Variants in PARD6A observed in about 807,000 individuals in gnomAD.
PARD6A encodes par-6 family cell polarity regulator alpha.
PARD6A carries 20 observed loss-of-function variants against 21.3 expected under a neutral mutation model. That is an observed-to-expected ratio of 0.94 (90% CI 0.66 to 1.36). The LOEUF (loss-of-function observed/expected upper bound fraction) is 1.36, where lower values mean the gene tolerates loss of function less well. PARD6A is among the 40% of genes most tolerant of loss of function. The pLI is 0.00. For synonymous variants in PARD6A, 214 were observed against 204.8 expected, an observed-to-expected ratio of 1.04 and a Z score of -0.38; for missense variants, 411 against 482.0, an observed-to-expected ratio of 0.85 and a Z score of 1.38.
chr16:67,661,833 C>G lies in PARD6A; in HGVS notation c.287-63C>G. On this transcript the variant is annotated intron_variant, in intron 2 of 2. Coordinates refer to ENST00000458121, the MANE Select transcript of PARD6A (RefSeq NM_001037281.2). The surrounding 1 kb of genome is among the most constrained non-coding windows in gnomAD (Gnocchi z 7.0). ...TGGTAGGAAATAGCTACAGTGCCCC[C>G]TGTAAACAGCCCAAGTCGGGGAGCA... 3.2e-6 allele frequency: 5 copies of G among 1,539,448 alleles called. No homozygotes were observed. The highest frequency in any genetic ancestry group is 3.5e-6 in the Non-Finnish European group (4 of 1,150,536).
chr16:67,661,370 G>A lies in PARD6A; in HGVS notation c.64-85G>A. 1 of 1,519,364 alleles carries A rather than the reference G, an allele frequency of 6.6e-7. No homozygotes were observed. Among genetic ancestry groups the A allele is most frequent in the Non-Finnish European group, 8.8e-7 (1 of 1,142,560 alleles). The allele number at this position is 1,519,364 out of a possible 1,614,324, so 94.1% of individuals were successfully genotyped here. On this transcript the variant is annotated intron_variant, in intron 1 of 2. Transcript: ENST00000458121. The surrounding 1 kb of genome is among the most constrained non-coding windows in gnomAD (Gnocchi z 7.0). ...TAAGGCTGCCGCAAAAGCGGCAGCC[G>A]CATCTTTCCCATTCCTGCCAGCCTG...
chr16:67,661,959 T>C lies in PARD6A; in HGVS notation c.350T>C (p.Leu117Ser). The stretch of plus-strand genomic sequence containing the variant: ...CTGCAGCGGCGCAAGAAAGGGCTCT[T>C]GCTGCGGCCAGTGGCACCCCTGCGC... ...NSLQRRKKGL[L>S]LRPVAPLRTR... Residue 117 changes from leucine to serine, a missense_variant, in exon 3 of 3, where the codon TTG (leucine) becomes TCG (serine). By Grantham distance (145) the Leu-to-Ser change is moderately radical. Transcript: ENST00000458121. The surrounding 1 kb of genome is among the most constrained non-coding windows in gnomAD (Gnocchi z 7.0). The C allele has an allele frequency of 6.2e-7, 1 of 1,611,990 alleles. No homozygotes were observed. The highest frequency in any genetic ancestry group is 8.5e-7 in the Non-Finnish European group (1 of 1,179,960).
At position 67,661,302 on chromosome 16, in the gene PARD6A, G is replaced by T; in HGVS notation, c.64-153G>T. The T allele has an allele frequency of 1.8e-6, 2 of 1,139,688 alleles. No homozygotes were observed. The highest frequency in any genetic ancestry group is 5.0e-5 in the East Asian group (2 of 39,682). 70.6% of individuals were successfully genotyped at this position (1,139,688 alleles called of 1,614,324 possible). ...CTGAGTACCTGGAGGGCGGTAAGAA[G>T]ACCTTGGACAGCGTCCCTGGTACTG... On this transcript the variant is annotated intron_variant, in intron 1 of 2. Transcript: ENST00000458121. This position sits in a 1 kb window ranked among gnomAD's most constrained non-coding sequence, Gnocchi z 7.0.
rs958951117 is a variant in PARD6A, at chr16:67,660,997, C to G, written c.-42C>G. 1.8e-6 allele frequency: 2 copies of G among 1,093,634 alleles called. No individual in the cohort carries two copies. The highest frequency in any genetic ancestry group is 3.4e-5 in the African/African-American group (2 of 59,506). 67.7% of individuals were successfully genotyped at this position (1,093,634 alleles called of 1,614,324 possible). A position where few individuals can be genotyped will look rare whatever the true frequency, so the allele number is the denominator to read the frequency against. On this transcript the variant is annotated 5_prime_UTR_variant, in exon 1 of 3. Coordinates refer to ENST00000458121, the MANE Select transcript of PARD6A (RefSeq NM_001037281.2). ...GCCGGGCTGTGCACCTGCGCCTCGG[C>G]GGGCCGCCTGGGGCACCGTCCCCGG...
In PARD6A at chr16:67,662,564, C is replaced by G. The variant is rs1459611285; in HGVS notation, c.955C>G (p.Leu319Val). 3.1e-6 allele frequency: 5 copies of G among 1,612,766 alleles called. No individual in the cohort carries two copies. Among genetic ancestry groups the G allele is most frequent in the Non-Finnish European group, 4.2e-6 (5 of 1,179,938 alleles). Residue 319 changes from leucine (L) to valine (V), a missense_variant, in exon 3 of 3, where the codon CTG (leucine) becomes GTG (valine). Leu to Val is a conservative substitution (Grantham distance 32). Coordinates refer to ENST00000458121, the MANE Select transcript of PARD6A (RefSeq NM_001037281.2). The surrounding 1 kb of genome is among the most constrained non-coding windows in gnomAD (Gnocchi z 6.9). ...GCRHPGTRSS[L>V]PSLDDQEQAS... ...CCGACATCCTGGTACCCGCAGCTCTCTGCCCTCCCTGGATGACCAGGAGCA... is the reference window on the plus strand; with the variant it reads ...CCGACATCCTGGTACCCGCAGCTCTGTGCCCTCCCTGGATGACCAGGAGCA...
In PARD6A at chr16:67,662,454, G is replaced by A. The variant is rs746636700; in HGVS notation, c.845G>A (p.Ser282Asn). ...GAGCCTGATAGTGACGATGACAGCA[G>A]TGACCTGGTCATTGAGAACCGCCAG... ...PAEPDSDDDS[S>N]DLVIENRQPP... Residue 282 changes from serine to asparagine, a missense_variant, in exon 3 of 3, where the codon AGT becomes AAT. Physicochemically the swap from Ser to Asn is conservative, Grantham distance 46 (BLOSUM62 1). Coordinates refer to ENST00000458121, the MANE Select transcript of PARD6A (RefSeq NM_001037281.2). This position sits in a 1 kb window ranked among gnomAD's most constrained non-coding sequence, Gnocchi z 6.9. 16 of 1,613,598 alleles carry A rather than the reference G, an allele frequency of 9.9e-6. No individual in the cohort carries two copies. The South Asian group carries it at 1.5e-4, about 16-fold the overall frequency.
chr16:67,662,685 G>T lies in PARD6A; in HGVS notation c.*38G>T. On this transcript the variant is annotated 3_prime_UTR_variant, in exon 3 of 3. Transcript: ENST00000458121. This position sits in a 1 kb window ranked among gnomAD's most constrained non-coding sequence, Gnocchi z 6.9. Reference sequence around the variant, plus strand: ...AGCCCCATGCCACTCCACACTGCTGGGACATGGCAGGGACTTCACAGTGGG... The same window carrying T: ...AGCCCCATGCCACTCCACACTGCTGTGACATGGCAGGGACTTCACAGTGGG... 1 of 1,489,656 alleles carries T rather than the reference G, an allele frequency of 6.7e-7. No homozygotes were observed. The highest frequency in any genetic ancestry group is 8.9e-7 in the Non-Finnish European group (1 of 1,121,168). 92.3% of individuals were successfully genotyped at this position (1,489,656 alleles called of 1,614,324 possible). A position where few individuals can be genotyped will look rare whatever the true frequency, so the allele number is the denominator to read the frequency against.
rs981248159 is a variant in PARD6A, at chr16:67,662,553, C to T, written c.944C>T (p.Thr315Ile). ...DLHPGCRHPG[T>I]RSSLPSLDDQ... ...CACCCTGGCTGCCGACATCCTGGTACCCGCAGCTCTCTGCCCTCCCTGGAT... is the reference window on the plus strand; with the variant it reads ...CACCCTGGCTGCCGACATCCTGGTATCCGCAGCTCTCTGCCCTCCCTGGAT... The change falls in exon 3 of 3, where the codon ACC becomes ATC. Residue 315 changes from threonine (T) to isoleucine (I), a missense_variant. Coordinates refer to ENST00000458121, the MANE Select transcript of PARD6A (RefSeq NM_001037281.2). The surrounding 1 kb of genome is among the most constrained non-coding windows in gnomAD (Gnocchi z 6.9). 2 of 1,613,094 alleles carry T rather than the reference C, an allele frequency of 1.2e-6. No homozygotes were observed. The highest frequency in any genetic ancestry group is 1.7e-6 in the Non-Finnish European group (2 of 1,179,988).
chr16:67,660,965 C>A lies in PARD6A; in HGVS notation c.-74C>A, dbSNP rs2053002538. The stretch of plus-strand genomic sequence containing the variant: ...ACCGCCAGGGGCGGGGCGGCGCGGG[C>A]GGGCCGGCCGGGCTGTGCACCTGCG... On this transcript the variant is annotated 5_prime_UTR_variant, in exon 1 of 3. Coordinates refer to ENST00000458121, the MANE Select transcript of PARD6A (RefSeq NM_001037281.2). 2 of 480,046 alleles carry A rather than the reference C, an allele frequency of 4.2e-6. No homozygotes were observed. The highest frequency in any genetic ancestry group is 2.8e-6 in the Non-Finnish European group (1 of 362,964). The allele number at this position is 480,046 out of a possible 1,614,324, so 29.7% of individuals were successfully genotyped here.
rs772588545 is a variant in PARD6A at position 67,661,475 on chromosome 16, C to A, written c.84C>A (p.Arg28=). 6.2e-7 allele frequency: 1 copy of A among 1,608,460 alleles called. No homozygotes were observed. The highest frequency in any genetic ancestry group is 2.2e-5 in the East Asian group (1 of 44,894). The change falls in exon 2 of 3, where the codon CGC becomes CGA. Residue 28 remains arginine (R), a synonymous_variant. Transcript: ENST00000458121. This position sits in a 1 kb window ranked among gnomAD's most constrained non-coding sequence, Gnocchi z 7.0. ...TCCAGTTTGACGCCGAGTTCCGACG[C>A]TTCGCGCTGCCTCGCGCTTCGGTGA... is the stretch of plus-strand genomic sequence containing the variant. ...VKSKFDAEFR[R]FALPRASVSG... is the part of the protein sequence containing the mutation.
chr16:67,662,571 C>T lies in PARD6A; in HGVS notation c.962C>T (p.Ser321Phe). 1 of 1,612,638 alleles carries T rather than the reference C, an allele frequency of 6.2e-7. No homozygotes were observed. The highest frequency in any genetic ancestry group is 8.5e-7 in the Non-Finnish European group (1 of 1,179,850). ...RHPGTRSSLP[S>F]LDDQEQASSG... ...CCTGGTACCCGCAGCTCTCTGCCCT[C>T]CCTGGATGACCAGGAGCAGGCCAGT... Residue 321 changes from serine (S) to phenylalanine (F), a missense_variant, in exon 3 of 3, where the codon TCC becomes TTC. Physicochemically the swap from Ser to Phe is radical, Grantham distance 155 (BLOSUM62 -2). Coordinates refer to ENST00000458121, the MANE Select transcript of PARD6A (RefSeq NM_001037281.2). The surrounding 1 kb of genome is among the most constrained non-coding windows in gnomAD (Gnocchi z 6.9).
Position 67,661,374 on chromosome 16 carries a change from C to G in PARD6A, c.64-81C>G. ...GCTGCCGCAAAAGCGGCAGCCGCATCTTTCCCATTCCTGCCAGCCTGCGGT... is the reference window on the plus strand; with the variant it reads ...GCTGCCGCAAAAGCGGCAGCCGCATGTTTCCCATTCCTGCCAGCCTGCGGT... On this transcript the variant is annotated intron_variant, in intron 1 of 2. Transcript: ENST00000458121. This position sits in a 1 kb window ranked among gnomAD's most constrained non-coding sequence, Gnocchi z 7.0. The G allele has an allele frequency of 6.5e-7, 1 of 1,531,170 alleles. No homozygotes were observed. Among genetic ancestry groups the G allele is most frequent in the Non-Finnish European group, 8.7e-7 (1 of 1,149,712 alleles). The allele number at this position is 1,531,170 out of a possible 1,614,324, so 94.8% of individuals were successfully genotyped here. A position where few individuals can be genotyped will look rare whatever the true frequency, so the allele number is the denominator to read the frequency against.
In PARD6A at chr16:67,661,982, C is replaced by T. The variant is rs781558045; in HGVS notation, c.373C>T (p.Arg125Cys). Residue 125 changes from arginine to cysteine, a missense_variant, in exon 3 of 3, where the codon CGC becomes TGC. Arg to Cys is a radical substitution (Grantham distance 180). Transcript: ENST00000458121. The surrounding 1 kb of genome is among the most constrained non-coding windows in gnomAD (Gnocchi z 7.0). ...CTTGCTGCGGCCAGTGGCACCCCTGCGCACCCGGCCACCCTTGCTAATCAG... is the reference window on the plus strand; with the variant it reads ...CTTGCTGCGGCCAGTGGCACCCCTGTGCACCCGGCCACCCTTGCTAATCAG... ...GLLLRPVAPL[R>C]TRPPLLISLP... is the part of the protein sequence containing the mutation. 5.0e-6 allele frequency: 8 copies of T among 1,612,928 alleles called. No homozygotes were observed. In the South Asian group the frequency reaches 5.5e-5, roughly 11 times the overall value.
At position 67,661,117 on chromosome 16, in the gene PARD6A, G is replaced by T; in HGVS notation, c.63+16G>T. 1.2e-6 allele frequency: 2 copies of T among 1,603,740 alleles called. No individual in the cohort carries two copies. Among genetic ancestry groups the T allele is most frequent in the East Asian group, 4.5e-5 (2 of 44,684 alleles). On this transcript the variant is annotated intron_variant, in intron 1 of 2. Transcript: ENST00000458121. The surrounding 1 kb of genome is among the most constrained non-coding windows in gnomAD (Gnocchi z 7.0). ...GAAGAGCAAAGTAAGGGCTCCTCCG[G>T]CCTCGGCCCTAGGCGCTCCCAATTC... is the stretch of plus-strand genomic sequence containing the variant.
Position 67,661,320 on chromosome 16 carries a change from TG to T in PARD6A, c.64-133del. The T allele has an allele frequency of 2.4e-6, 3 of 1,243,204 alleles. No homozygotes were observed. The highest frequency in any genetic ancestry group is 3.3e-6 in the Non-Finnish European group (3 of 911,138). 77.0% of individuals were successfully genotyped at this position (1,243,204 alleles called of 1,614,324 possible). The stretch of plus-strand genomic sequence containing the variant: ...GTAAGAAGACCTTGGACAGCGTCCC[TG>T]GTACTGGAGCTGAGGTCTGGGCTTA... On this transcript the variant is annotated intron_variant, in intron 1 of 2. Coordinates refer to ENST00000458121, the MANE Select transcript of PARD6A (RefSeq NM_001037281.2). The surrounding 1 kb of genome is among the most constrained non-coding windows in gnomAD (Gnocchi z 7.0).
In PARD6A at chr16:67,660,970, C is replaced by G. The variant is rs1201005024; in HGVS notation, c.-69C>G. ...CAGGGGCGGGGCGGCGCGGGCGGGC[C>G]GGCCGGGCTGTGCACCTGCGCCTCG... On this transcript the variant is annotated 5_prime_UTR_variant, in exon 1 of 3. Coordinates refer to ENST00000458121, the MANE Select transcript of PARD6A (RefSeq NM_001037281.2). 7.0e-6 allele frequency: 4 copies of G among 570,606 alleles called. No homozygotes were observed. Among genetic ancestry groups the G allele is most frequent in the East Asian group, 1.3e-4 (1 of 7,988 alleles). The allele number at this position is 570,606 out of a possible 1,614,324, so 35.3% of individuals were successfully genotyped here.
chr16:67,661,212 C>CT lies in PARD6A; in HGVS notation c.63+115dup. ...CCTCTATCCTCCAAGTCCCATTCTG[C>CT]TTTTCTGCTCGCCTTCCCCCATCCG... On this transcript the variant is annotated intron_variant, in intron 1 of 2. Coordinates refer to ENST00000458121, the MANE Select transcript of PARD6A (RefSeq NM_001037281.2). The surrounding 1 kb of genome is among the most constrained non-coding windows in gnomAD (Gnocchi z 7.0). The CT allele has an allele frequency of 9.1e-7, 1 of 1,104,112 alleles. No homozygotes were observed. Among genetic ancestry groups the CT allele is most frequent in the South Asian group, 1.3e-5 (1 of 77,914 alleles). 68.4% of individuals were successfully genotyped at this position (1,104,112 alleles called of 1,614,324 possible). A position where few individuals can be genotyped will look rare whatever the true frequency, so the allele number is the denominator to read the frequency against.
Position 67,662,326 on chromosome 16 carries a change from T to C in PARD6A, c.717T>C (p.His239=). Reference sequence around the variant, plus strand: ...CGGACATGATGGTTGCCAACAGCCATAACCTCATTGTCACTGTCAAGCCCG... The same window carrying C: ...CGGACATGATGGTTGCCAACAGCCACAACCTCATTGTCACTGTCAAGCCCG... ...QVTDMMVANS[H]NLIVTVKPAN... is the part of the protein sequence containing the mutation. The change falls in exon 3 of 3, where the codon CAT becomes CAC. Residue 239 remains histidine, a synonymous_variant. Coordinates refer to ENST00000458121, the MANE Select transcript of PARD6A (RefSeq NM_001037281.2). This position sits in a 1 kb window ranked among gnomAD's most constrained non-coding sequence, Gnocchi z 6.9. 1 of 1,614,092 alleles carries C rather than the reference T, an allele frequency of 6.2e-7. No individual in the cohort carries two copies. The highest frequency in any genetic ancestry group is 1.1e-5 in the South Asian group (1 of 91,080).
chr16:67,661,480 C>G lies in PARD6A; in HGVS notation c.89C>G (p.Ala30Gly). ...SKFDAEFRRF[A>G]LPRASVSGFQ... The stretch of plus-strand genomic sequence containing the variant: ...TTTGACGCCGAGTTCCGACGCTTCG[C>G]GCTGCCTCGCGCTTCGGTGAGCGGC... The change falls in exon 2 of 3, where the codon GCG (alanine) becomes GGG (glycine). Residue 30 changes from alanine to glycine, a missense_variant. Transcript: ENST00000458121. This position sits in a 1 kb window ranked among gnomAD's most constrained non-coding sequence, Gnocchi z 7.0. 6.2e-7 allele frequency: 1 copy of G among 1,608,716 alleles called. No homozygotes were observed. The highest frequency in any genetic ancestry group is 8.5e-7 in the Non-Finnish European group (1 of 1,179,956).
Sources: allele counts gnomAD v4.1 joint callset, GRCh38; gene constraint gnomAD v4.1.1; non-coding constraint Gnocchi (gnomAD v3.1); transcripts MANE v1.5; gene names NCBI Gene and HGNC (gene_info 2026-07-23, HGNC 2026-07-21).